EIF2S3B: variants seen among roughly 807,000 people sequenced by gnomAD.
EIF2S3B encodes the protein eukaryotic translation initiation factor 2 subunit 3B.
Under a neutral mutation model 26.4 loss-of-function variants are expected in EIF2S3B, and 16 were observed. That is an observed-to-expected ratio of 0.61 (90% CI 0.41 to 0.92). The LOEUF (loss-of-function observed/expected upper bound fraction) is 0.92. Among genes scored for constraint, EIF2S3B ranks in the 40% least tolerant of loss-of-function variants. The pLI is 0.00. For synonymous variants in EIF2S3B, 183 were observed against 204.4 expected (o/e 0.90, Z 0.89); for missense variants, 510 against 575.5 (o/e 0.89, Z 1.16).
rs776832018 is a variant in EIF2S3B, at chr12:10,507,974, T to C, written c.*653T>C. Among the ~76,000 whole-genome samples, 1 of 140,536 alleles carries C rather than the reference T, an allele frequency of 7.1e-6. No homozygotes were observed. Among genetic ancestry groups the C allele is most frequent in the Non-Finnish European group, 1.5e-5 (1 of 67,840 alleles). The allele number at this position is 140,536 out of a possible 152,430, so 92.2% of individuals were successfully genotyped here. ...ATCACTGAAACTGTTCGAAATAAAG[T>C]TTTTTTTTGTTTTTCATGATTCGTC... On this transcript the variant is annotated 3_prime_UTR_variant, in exon 1 of 1. Coordinates refer to ENST00000538173, the MANE Select transcript of EIF2S3B (RefSeq NM_001357734.3).
chr12:10,513,960 A>T (rs1190525319), intron 1 of EIF2S3B, among the ~76,000 whole-genome samples: 1 of 152,216 alleles, frequency 6.6e-6, no homozygotes, highest in Non-Finnish European at 1.5e-5. Context: ...GGTTGCAGTA[A>T]GCTGAGATAG....
At chr12:10,513,852 T>C (rs1864728844) in intron 1 of EIF2S3B, among the ~76,000 whole-genome samples, 1 of 152,054 alleles carries the variant, frequency 6.6e-6, no homozygotes, top group Non-Finnish European at 1.5e-5. Context: ...CCATCTCTAC[T>C]AAAAATACAA....
chr12:10,522,730 A>T (rs1245485462), exon 2 of EIF2S3B: 2 of 683,236 alleles, frequency 2.9e-6, no homozygotes, highest in Admixed American at 4.2e-5. Context: ...AAAAGACAAA[A>T]GAAAACATGA....
At chr12:10,515,154 C>G (rs1864742182) in intron 1 of EIF2S3B, among the ~76,000 whole-genome samples, 1 of 151,870 alleles carries the variant, frequency 6.6e-6, no homozygotes, top group South Asian at 2.1e-4. Flanking sequence ...TCTTGTTTAC[C>G]TTCAGCCCCC....
At position 10,519,554 on chromosome 12, in the gene EIF2S3B, C is replaced by A. The variant is rs1864806729; in HGVS notation, c.1309-3049C>A. Among the ~76,000 whole-genome samples, 10 of 152,082 alleles carry A rather than the reference C, an allele frequency of 6.6e-5. No homozygotes were observed. In the South Asian group the frequency reaches 2.1e-3, roughly 32 times the overall value. On this transcript the variant is annotated intron_variant, in intron 1 of 1. Coordinates refer to the EIF2S3B transcript ENST00000322446. Reference sequence around the variant, plus strand: ...AGCTTCTGTACAGCAAAAGAAACTACCATCAGAGTGAACAGGCAACCTACA... The same window carrying A: ...AGCTTCTGTACAGCAAAAGAAACTAACATCAGAGTGAACAGGCAACCTACA...
At chr12:10,514,714 C>G (rs188522413) in intron 1 of EIF2S3B, among the ~76,000 whole-genome samples, 131 of 152,294 alleles carry the variant, frequency 8.6e-4, no homozygotes, top group East Asian at 1.3e-3. Flanking sequence ...TCCTCCTCTC[C>G]CTCAACCACT....
intron 1 of EIF2S3B, among the ~76,000 whole-genome samples, chr12:10,519,790 CA>C (rs1229671212): frequency 6.6e-6 from 1 of 151,506 alleles, no homozygotes; most frequent in Non-Finnish European, 1.5e-5. Context: ...CAGAGAAATG[CA>C]AATCAAAACC....
downstream of EIF2S3B, among the ~76,000 whole-genome samples, chr12:10,509,254 T>C (rs567924507): frequency 5.9e-5 from 9 of 152,232 alleles, no homozygotes; most frequent in East Asian, 1.7e-3. Context: ...ATTCTATCTA[T>C]ATGCCACCTT....
In EIF2S3B at chr12:10,506,697, C is replaced by T. The variant is rs756307379; in HGVS notation, c.795C>T (p.Asn265=). 4 of 1,613,882 alleles carry T rather than the reference C, an allele frequency of 2.5e-6. No individual in the cohort carries two copies. The highest frequency in any genetic ancestry group is 3.4e-6 in the Non-Finnish European group (4 of 1,179,918). The change falls in exon 1 of 1, where the codon AAC becomes AAT. Residue 265 remains asparagine, a synonymous_variant. Transcript: ENST00000538173. ...RLIVIRSFDV[N]KPGCEVDDLK... ...TTGTTATTAGATCTTTTGATGTCAA[C>T]AAACCTGGCTGTGAAGTTGATGACC...
At position 10,508,393 on chromosome 12, in the gene EIF2S3B, G is replaced by C. The variant is rs1253547004; in HGVS notation, c.*1072G>C. On this transcript the variant is annotated 3_prime_UTR_variant, in exon 1 of 1. Coordinates refer to ENST00000538173, the MANE Select transcript of EIF2S3B (RefSeq NM_001357734.3). ...AATACTGTTATACCAAATAATTCTA[G>C]ATGAGTAACAAAGATCCTTCTAGGC... Among the ~76,000 whole-genome samples the C allele has an allele frequency of 6.6e-6, 1 of 151,840 alleles. No individual in the cohort carries two copies. The highest frequency in any genetic ancestry group is 1.5e-5 in the Non-Finnish European group (1 of 67,986).
rs958316003 is a variant in EIF2S3B at position 10,507,593 on chromosome 12, G to A, written c.*272G>A. ...TAATGTCAAAATTATACATTATGCA[G>A]TTTTTTTGTTTGTTTTATTTTGTTT... On this transcript the variant is annotated 3_prime_UTR_variant, in exon 1 of 1. Coordinates refer to ENST00000538173, the MANE Select transcript of EIF2S3B (RefSeq NM_001357734.3). 7 of 554,556 alleles carry A rather than the reference G, an allele frequency of 1.3e-5. No individual in the cohort carries two copies. In the African/African-American group the frequency reaches 1.3e-4, roughly 11 times the overall value. The allele number at this position is 554,556 out of a possible 1,614,324, so 34.4% of individuals were successfully genotyped here. A position where few individuals can be genotyped will look rare whatever the true frequency, so the allele number is the denominator to read the frequency against.
Position 10,507,630 on chromosome 12 carries a change from C to G in EIF2S3B, c.*309C>G. 2.1e-6 allele frequency: 1 copy of G among 482,590 alleles called. No homozygotes were observed. Among genetic ancestry groups the G allele is most frequent in the Non-Finnish European group, 3.7e-6 (1 of 270,388 alleles). The allele number at this position is 482,590 out of a possible 1,614,324, so 29.9% of individuals were successfully genotyped here. Reference sequence around the variant, plus strand: ...GTTTTATTTTGTTTTGTTTTTGAGTCTGGCTTTGTCACCTAGGCTGGCATG... The same window carrying G: ...GTTTTATTTTGTTTTGTTTTTGAGTGTGGCTTTGTCACCTAGGCTGGCATG... On this transcript the variant is annotated 3_prime_UTR_variant, in exon 1 of 1. Transcript: ENST00000538173.
At chr12:10,515,909 GTA>G (rs199771544) in intron 1 of EIF2S3B, among the ~76,000 whole-genome samples, 4,674 of 150,296 alleles carry the variant, frequency 0.031, 215 homozygotes, top group African/African-American at 0.1. Context: ...ATTTATACTA[GTA>G]TATATATATT....
chr12:10,520,565 C>T (rs1422455142), intron 1 of EIF2S3B, among the ~76,000 whole-genome samples: 1 of 151,844 alleles, frequency 6.6e-6, no homozygotes, highest in African/African-American at 2.4e-5. Flanking sequence ...TATATATGAA[C>T]ATAATTATGA....
downstream of EIF2S3B, among the ~76,000 whole-genome samples, chr12:10,513,483 T>C (rs1030905951): frequency 3.3e-5 from 5 of 152,188 alleles, no homozygotes; most frequent in African/African-American, 1.2e-4. Context: ...TCCCTGTGTA[T>C]TTGTTGGAGG....
At chr12:10,513,423 C>T (rs376925492), downstream of EIF2S3B, among the ~76,000 whole-genome samples, 8 of 152,142 alleles carry the variant, frequency 5.3e-5, no homozygotes, top group African/African-American at 1.9e-4. Context: ...GTGGGAGTTT[C>T]AGACTTGTTC....
intron 1 of EIF2S3B, among the ~76,000 whole-genome samples, chr12:10,522,055 C>T (rs1864838071): frequency 6.6e-6 from 1 of 152,148 alleles, no homozygotes; most frequent in Non-Finnish European, 1.5e-5. Flanking sequence ...AAAACAAAAC[C>T]CAGAGGAGTA....
chr12:10,522,671 G>A (rs1163882109), exon 2 of EIF2S3B: 3 of 696,620 alleles, frequency 4.3e-6, no homozygotes, highest in South Asian at 3.0e-5. Flanking sequence ...ATGAGACACA[G>A]AGGAAGTCTG....
chr12:10,518,572 T>C (rs1378871767), intron 1 of EIF2S3B, among the ~76,000 whole-genome samples: 1 of 152,166 alleles, frequency 6.6e-6, no homozygotes, highest in Non-Finnish European at 1.5e-5. Flanking sequence ...AGTCTGTGTC[T>C]TTTAATTGGA....
Sources: gnomAD v4.1 joint callset for allele counts (sites outside exome capture counted in the v4.1 genomes callset) on GRCh38, gnomAD v4.1.1 for gene constraint, MANE v1.5 for transcripts, NCBI Gene and HGNC (gene_info 2026-07-23, HGNC 2026-07-21) for gene names.